Variants in ARHGAP27 observed in about 807,000 individuals in gnomAD.
ARHGAP27 encodes the protein rho GTPase-activating protein 27.
Under a neutral mutation model 102.0 loss-of-function variants are expected in ARHGAP27, and 53 were observed. The observed-to-expected ratio is 0.52, with a 90% CI of 0.42 to 0.65. ARHGAP27 has a LOEUF of 0.65. Among genes scored for constraint, ARHGAP27 ranks in the 30% least tolerant of loss-of-function variants. The probability of loss-of-function intolerance (pLI) is 0.00; values close to 1 mark genes in which losing one functional copy is unlikely to be tolerated. For synonymous variants in ARHGAP27, 525 were observed against 542.8 expected, an observed-to-expected ratio of 0.97 and a Z score of 0.46; for missense variants, 1,117 against 1,256.2, an observed-to-expected ratio of 0.89 and a Z score of 1.68.
Position 45,396,791 on chromosome 17 carries a change from C to A in ARHGAP27, c.1952-1G>T, listed in dbSNP as rs758511206. 2 of 1,610,288 alleles carry A rather than the reference C, an allele frequency of 1.2e-6. No individual in the cohort carries two copies. Among genetic ancestry groups the A allele is most frequent in the Non-Finnish European group, 1.7e-6 (2 of 1,178,300 alleles). On this transcript the variant is annotated splice_acceptor_variant, in intron 14 of 19. Coordinates refer to ENST00000685559, the MANE Select transcript of ARHGAP27 (RefSeq NM_001282290.2). LOFTEE classifies it high-confidence loss of function. ...CCCACGGGGCCCAGGGCGGGCGCGGCTGCCGCGGGGAAAGGCAGGACTGAG... is the reference window on the plus strand; with the variant it reads ...CCCACGGGGCCCAGGGCGGGCGCGGATGCCGCGGGGAAAGGCAGGACTGAG...
In ARHGAP27 at chr17:45,405,738, C is replaced by T. The variant is rs1478375178; in HGVS notation, c.1003G>A (p.Glu335Lys). ...TGCATCTCCAACTCCTCCTCGGGCTCGTTCTCGGCCTCGTCCTCCCAGGCC... is the reference window on the plus strand; with the variant it reads ...TGCATCTCCAACTCCTCCTCGGGCTTGTTCTCGGCCTCGTCCTCCCAGGCC... Reference protein sequence around the residue: ...ETAWEDEAENEPEEELEMQPG... With the variant: ...ETAWEDEAENKPEEELEMQPG... Residue 335 changes from glutamate to lysine, a missense_variant, in exon 5 of 20, where the codon GAG (glutamate) becomes AAG (lysine). By Grantham distance (56) the Glu-to-Lys change is moderately conservative. Transcript: ENST00000685559. 3.7e-6 allele frequency: 6 copies of T among 1,602,040 alleles called. No homozygotes were observed. The highest frequency in any genetic ancestry group is 1.3e-5 in the African/African-American group (1 of 75,056).
At chr17:45,396,849 C>T (rs1337156139) in intron 14 of ARHGAP27, 59 bp from the exon 15 acceptor site, 13 of 1,606,550 alleles carry the variant, frequency 8.1e-6, no homozygotes, top group East Asian at 4.5e-5. Flanking sequence ...GCCAGGCAGG[C>T]CCCAGCAACC....
At chr17:45,415,309 C>A (rs2048347110) in intron 4 of ARHGAP27, among the ~76,000 whole-genome samples, 1 of 152,054 alleles carries the variant, frequency 6.6e-6, no homozygotes, top group African/African-American at 2.4e-5. Context: ...TCAGGCCAGG[C>A]CTCCTAGTTT....
intron 4 of ARHGAP27, chr17:45,410,060 G>A: frequency 1.2e-6 from 1 of 814,242 alleles, no homozygotes. Flanking sequence ...TGCCACTCTT[G>A]CCCCAAGCTG....
chr17:45,395,905 G>C, intron 18 of ARHGAP27, 56 bp from the exon 19 acceptor site: 3 of 1,570,000 alleles, frequency 1.9e-6, no homozygotes, highest in Non-Finnish European at 2.6e-6. Context: ...GGGGGTATCG[G>C]CTGGGCGAGG....
Position 45,398,029 on chromosome 17 carries a change from A to C in ARHGAP27, c.1762T>G (p.Ser588Ala). 6.2e-7 allele frequency: 1 copy of C among 1,605,024 alleles called. No homozygotes were observed. Among genetic ancestry groups the C allele is most frequent in the South Asian group, 1.1e-5 (1 of 90,578 alleles). Residue 588 changes from serine to alanine, a missense_variant, in exon 13 of 20, where the codon TCT (serine) becomes GCT (alanine). Ser to Ala is a moderately conservative substitution (Grantham distance 99). Coordinates refer to ENST00000685559, the MANE Select transcript of ARHGAP27 (RefSeq NM_001282290.2). ...NVLELRSRDG[S>A]EYLIQHDSEA... ...GAGTCGTGCTGGATCAGGTACTCAG[A>C]GCCATCTCGGCTCCGTAGCTGGAGG...
chr17:45,423,255 G>A (rs62064647), intron 4 of ARHGAP27, among the ~76,000 whole-genome samples: 21,194 of 152,126 alleles, frequency 0.14, 1,763 homozygotes, highest in Middle Eastern at 0.23. Flanking sequence ...TCATTTACTT[G>A]GTCACAAAGA....
chr17:45,396,182 G>A (rs2045632386), intron 17 of ARHGAP27, 25 bp downstream of exon 17: 3 of 1,596,750 alleles, frequency 1.9e-6, no homozygotes, highest in Non-Finnish European at 2.6e-6. Context: ...CAGGCCCTGG[G>A]GCAGGGGTTG....
intron 4 of ARHGAP27, among the ~76,000 whole-genome samples, chr17:45,426,293 G>C (rs2049590947): frequency 6.6e-6 from 1 of 152,036 alleles, no homozygotes; most frequent in Non-Finnish European, 1.5e-5. Flanking sequence ...CAAGCTGCTG[G>C]GAGCTTAACC....
At chr17:45,409,788 C>T (rs768946222) in intron 4 of ARHGAP27, 27 of 165,900 alleles carry the variant, frequency 1.6e-4, no homozygotes, top group Non-Finnish European at 2.6e-4. Context: ...GCGCCTGCCA[C>T]CCCTACCCTC....
chr17:45,429,365 A>G (rs2049873823), intron 4 of ARHGAP27: 1 of 1,307,988 alleles, frequency 7.6e-7, no homozygotes, highest in Non-Finnish European at 9.9e-7. Flanking sequence ...GTTCAAGCGC[A>G]ATTTTGCCAC....
At chr17:45,403,078 C>T (rs1274821517) in intron 11 of ARHGAP27, among the ~76,000 whole-genome samples, 2 of 152,230 alleles carry the variant, frequency 1.3e-5, no homozygotes, top group African/African-American at 2.4e-5. Flanking sequence ...CAGGTGTGCC[C>T]ACCCCCAGCC....
intron 13 of ARHGAP27, 115 bp from the exon 14 acceptor site, chr17:45,397,139 G>T (rs1398423850): frequency 6.7e-7 from 1 of 1,494,894 alleles, no homozygotes; most frequent in Middle Eastern, 2.3e-4. Context: ...GACCCTCAGC[G>T]AAGAGTCCTC....
chr17:45,429,363 G>A, intron 4 of ARHGAP27: 3 of 1,283,512 alleles, frequency 2.3e-6, no homozygotes, highest in South Asian at 1.8e-5. Flanking sequence ...CAGTTCAAGC[G>A]CAATTTTGCC....
chr17:45,411,991 T>G (rs1567716824), intron 4 of ARHGAP27, among the ~76,000 whole-genome samples: 1 of 152,024 alleles, frequency 6.6e-6, no homozygotes, highest in Non-Finnish European at 1.5e-5. Context: ...CCCTCAGCAT[T>G]GCCCTGCAGG....
Position 45,406,062 on chromosome 17 carries a change from C to A in ARHGAP27, c.679G>T (p.Val227Leu). The A allele has an allele frequency of 6.5e-7, 1 of 1,527,954 alleles. No homozygotes were observed. Among genetic ancestry groups the A allele is most frequent in the Non-Finnish European group, 8.8e-7 (1 of 1,141,264 alleles). The allele number at this position is 1,527,954 out of a possible 1,614,324, so 94.6% of individuals were successfully genotyped here. The change falls in exon 5 of 20, where the codon GTG (valine) becomes TTG (leucine). Residue 227 changes from valine (V) to leucine (L), a missense_variant. Transcript: ENST00000685559. Reference protein sequence around the residue: ...AEQVDDPPEPVYANIERQPRA... With the variant: ...AEQVDDPPEPLYANIERQPRA... The stretch of plus-strand genomic sequence containing the variant: ...GGCTGCCTCTCTATGTTCGCGTACA[C>A]GGGCTCCGGTGGGTCGTCCACCTGC...
chr17:45,431,036 TGCTCTCCA>T (rs1335127997), intron 3 of ARHGAP27, among the ~76,000 whole-genome samples: 2 of 89,510 alleles, frequency 2.2e-5, no homozygotes, highest in Non-Finnish European at 4.5e-5. Context: ...CACCGCCCCC[TGCTCTCCA>T]GCTCTCACGC....
Position 45,395,807 on chromosome 17 carries a change from A to G in ARHGAP27, c.2429T>C (p.Leu810Ser). 1 of 1,606,958 alleles carries G rather than the reference A, an allele frequency of 6.2e-7. No homozygotes were observed. The highest frequency in any genetic ancestry group is 8.5e-7 in the Non-Finnish European group (1 of 1,177,856). The change falls in exon 19 of 20, where the codon TTG becomes TCG. Residue 810 changes from leucine (L) to serine (S), a missense_variant. Coordinates refer to ENST00000685559, the MANE Select transcript of ARHGAP27 (RefSeq NM_001282290.2). ...GTTGGGAGCGGGCAGCGAGCGCACC[A>G]AGTCACGCACACAGCGGCTGCGCCG... ...QARRSRCVRDLVRSLPAPNHD... is the reference protein window; with the variant it reads ...QARRSRCVRDSVRSLPAPNHD...
At position 45,405,710 on chromosome 17, in the gene ARHGAP27, G is replaced by C; in HGVS notation, c.1031C>G (p.Pro344Arg). ...NEPEEELEMQ[P>R]GLSPGSPGDP... ...CCCTGGGCTGCCAGGGCTCAGGCCC[G>C]GCTGCATCTCCAACTCCTCCTCGGG... Residue 344 changes from proline to arginine, a missense_variant, in exon 5 of 20, where the codon CCG becomes CGG. Physicochemically the swap from Pro to Arg is moderately radical, Grantham distance 103. Transcript: ENST00000685559. 1.2e-6 allele frequency: 2 copies of C among 1,603,244 alleles called. No homozygotes were observed. Among genetic ancestry groups the C allele is most frequent in the South Asian group, 1.1e-5 (1 of 90,856 alleles).
Sources: allele counts gnomAD v4.1 joint callset (sites outside exome capture counted in the v4.1 genomes callset), GRCh38; gene constraint gnomAD v4.1.1; transcripts MANE v1.5; gene names NCBI Gene and HGNC (gene_info 2026-07-23, HGNC 2026-07-21).